Variants in KCNMB4 observed in about 807,000 individuals in gnomAD.
KCNMB4 encodes the protein potassium calcium-activated channel subfamily M regulatory beta subunit 4, also known as calcium-activated potassium channel subunit beta-4.
KCNMB4 carries 3 observed loss-of-function variants against 20.7 expected under a neutral mutation model. The observed-to-expected ratio is 0.14, with a 90% CI of 0.07 to 0.37. KCNMB4 has a LOEUF of 0.37. Among genes scored for constraint, KCNMB4 ranks in the 10% least tolerant of loss-of-function variants. The pLI, the probability that KCNMB4 is intolerant of heterozygous loss-of-function variation, is 1.00. For synonymous variants in KCNMB4, 110 were observed against 113.4 expected (o/e 0.97, Z 0.19); for missense variants, 168 against 265.9 (o/e 0.63, Z 2.56).
intron 1 of KCNMB4, among the ~76,000 whole-genome samples, chr12:70,389,070 T>G (rs2136123859): frequency 6.6e-6 from 1 of 152,210 alleles, no homozygotes; most frequent in African/African-American, 2.4e-5. Context: ...TTATATGGAC[T>G]TAGCTTTCTT....
At chr12:70,387,910 T>G (rs1221617016) in intron 1 of KCNMB4, among the ~76,000 whole-genome samples, 1 of 152,046 alleles carries the variant, frequency 6.6e-6, no homozygotes. Flanking sequence ...AAATAATAGG[T>G]CTTATTCATT....
intron 1 of KCNMB4, among the ~76,000 whole-genome samples, chr12:70,377,732 A>T (rs1006770917): frequency 4.6e-5 from 7 of 152,202 alleles, no homozygotes; most frequent in African/African-American, 1.7e-4. Context: ...CCACTGCTTT[A>T]TCAACTCAGT....
chr12:70,422,730 T>C (rs1206281133), intron 2 of KCNMB4: 1 of 1,289,072 alleles, frequency 7.8e-7, no homozygotes, highest in Admixed American at 2.3e-5. Context: ...CCCCTCTTTA[T>C]TTCTGAGAAC....
chr12:70,430,394 T>C (rs1869331342), intron 2 of KCNMB4, 91 bp from the exon 3 acceptor site: 1 of 1,355,818 alleles, frequency 7.4e-7, no homozygotes, highest in East Asian at 2.3e-5. Flanking sequence ...ATAATGGTTA[T>C]GGAAAGCAAG....
intron 1 of KCNMB4, among the ~76,000 whole-genome samples, chr12:70,388,396 C>A (rs1868273952): frequency 6.6e-6 from 1 of 152,008 alleles, no homozygotes; most frequent in Non-Finnish European, 1.5e-5. Context: ...TTTTGAGTAA[C>A]TACATTGTTC....
At chr12:70,387,065 T>C (rs781278494) in intron 1 of KCNMB4, among the ~76,000 whole-genome samples, 1 of 151,908 alleles carries the variant, frequency 6.6e-6, no homozygotes, top group Non-Finnish European at 1.5e-5. Flanking sequence ...TCCCACTGTT[T>C]GCATTTTTAC....
intron 1 of KCNMB4, among the ~76,000 whole-genome samples, chr12:70,395,341 T>C (rs1005793663): frequency 3.9e-5 from 6 of 152,144 alleles, no homozygotes; most frequent in African/African-American, 1.2e-4. Flanking sequence ...GTCCCTGATA[T>C]TTAACTAAGT....
At chr12:70,410,940 C>T (rs1206794435) in intron 2 of KCNMB4, among the ~76,000 whole-genome samples, 1 of 152,138 alleles carries the variant, frequency 6.6e-6, no homozygotes, top group Non-Finnish European at 1.5e-5. Flanking sequence ...TTACCCTTAG[C>T]ATTTTAAAGA....
intron 1 of KCNMB4, among the ~76,000 whole-genome samples, chr12:70,372,046 T>C (rs1883605835): frequency 6.6e-6 from 1 of 152,104 alleles, no homozygotes; most frequent in Non-Finnish European, 1.5e-5. Flanking sequence ...CATGAGGGGA[T>C]GAGCAGAGAC....
In KCNMB4 at chr12:70,384,834, G is replaced by A. The variant is rs547342504; in HGVS notation, c.337-15375G>A. Among the ~76,000 whole-genome samples, 5 of 133,922 alleles carry A rather than the reference G, an allele frequency of 3.7e-5. No homozygotes were observed. The South Asian group carries it at 6.9e-4, about 19-fold the overall frequency. The allele number at this position is 133,922 out of a possible 152,430, so 87.9% of individuals were successfully genotyped here. The stretch of plus-strand genomic sequence containing the variant: ...GGTTACAGTGAGCTATGACTATGTC[G>A]CTGTACTCCAGCCTGAGCAACACAG... On this transcript the variant is annotated intron_variant, in intron 1 of 2. Transcript: ENST00000258111.
chr12:70,422,022 G>T (rs972376733), intron 2 of KCNMB4, among the ~76,000 whole-genome samples: 2 of 151,956 alleles, frequency 1.3e-5, no homozygotes, highest in African/African-American at 4.8e-5. Context: ...TCTCCAAATG[G>T]CATGTATTGT....
chr12:70,417,961 C>T (rs367770601), intron 2 of KCNMB4, among the ~76,000 whole-genome samples: 4 of 152,254 alleles, frequency 2.6e-5, no homozygotes, highest in African/African-American at 7.2e-5. Flanking sequence ...TCAGCTAGCC[C>T]GTGTTGCTAT....
rs1448117751 is a variant in KCNMB4, at chr12:70,366,834, A to G, written c.100A>G (p.Ile34Val). The G allele has an allele frequency of 3.1e-6, 5 of 1,613,024 alleles. No individual in the cohort carries two copies. Among genetic ancestry groups the G allele is most frequent in the East Asian group, 4.5e-5 (2 of 44,818 alleles). Residue 34 changes from isoleucine (I) to valine (V), a missense_variant, in exon 1 of 3, where the codon ATC becomes GTC. By Grantham distance (29) the Ile-to-Val change is conservative (BLOSUM62 3). Coordinates refer to ENST00000258111, the MANE Select transcript of KCNMB4 (RefSeq NM_014505.6). ...CATCTCCGGCGTCGTGTCGCTCTTC[A>G]TCTTCGGCTTCTGCTGGCTGAGTCC... ...LIISGVVSLF[I>V]FGFCWLSPAL...
In KCNMB4 at chr12:70,422,852, G is replaced by A. The variant is rs1046307994; in HGVS notation, c.465-7633G>A. ...ATAAAAAATAATTACCACACAGTGTGAGTAAAACCTTTTAAAAAGTCTATT... is the reference window on the plus strand; with the variant it reads ...ATAAAAAATAATTACCACACAGTGTAAGTAAAACCTTTTAAAAAGTCTATT... On this transcript the variant is annotated intron_variant, in intron 2 of 2. Transcript: ENST00000258111. The A allele has an allele frequency of 1.2e-5, 15 of 1,203,872 alleles. No individual in the cohort carries two copies. The Admixed American group carries it at 5.0e-4, about 40-fold the overall frequency. 74.6% of individuals were successfully genotyped at this position (1,203,872 alleles called of 1,614,324 possible).
intron 1 of KCNMB4, among the ~76,000 whole-genome samples, chr12:70,374,434 T>C (rs1413157980): frequency 6.6e-6 from 1 of 152,206 alleles, no homozygotes; most frequent in African/African-American, 2.4e-5. Flanking sequence ...AGTAAAATAC[T>C]GAACAGAATA....
chr12:70,396,866 C>T (rs776694769), intron 1 of KCNMB4, among the ~76,000 whole-genome samples: 4 of 152,110 alleles, frequency 2.6e-5, no homozygotes, highest in Non-Finnish European at 4.4e-5. Context: ...ACTGGATTCT[C>T]GAGTTCTTTT....
chr12:70,421,936 T>C (rs890826566), intron 2 of KCNMB4, among the ~76,000 whole-genome samples: 9 of 151,912 alleles, frequency 5.9e-5, no homozygotes, highest in African/African-American at 1.9e-4. Context: ...AGTTTGTTTT[T>C]ATACAGTTAA....
At chr12:70,389,187 A>G (rs866910557) in intron 1 of KCNMB4, among the ~76,000 whole-genome samples, 2 of 152,154 alleles carry the variant, frequency 1.3e-5, no homozygotes, top group Non-Finnish European at 2.9e-5. Context: ...TACTTTAACT[A>G]TGTAAAGTAC....
chr12:70,414,599 C>T (rs975117746), intron 2 of KCNMB4, among the ~76,000 whole-genome samples: 1 of 152,190 alleles, frequency 6.6e-6, no homozygotes, highest in African/African-American at 2.4e-5. Context: ...CAGAACATTT[C>T]TACCACCCTT....
Sources: allele counts gnomAD v4.1 joint callset (sites outside exome capture counted in the v4.1 genomes callset), GRCh38; gene constraint gnomAD v4.1.1; transcripts MANE v1.5; gene names NCBI Gene and HGNC (gene_info 2026-07-23, HGNC 2026-07-21).